CLSTN2: variants seen among roughly 807,000 people sequenced by gnomAD.
CLSTN2 encodes calsyntenin 2.
A neutral mutation model predicts 101.2 loss-of-function variants in CLSTN2; 48 were observed. The observed-to-expected ratio is 0.47, with a 90% CI of 0.38 to 0.60. The LOEUF is 0.60. Ranked by LOEUF, CLSTN2 falls within the 20% of genes least tolerant of loss-of-function variation. The pLI is 0.00. For missense variants in CLSTN2, 1,160 were observed against 1,238.2 expected, an observed-to-expected ratio of 0.94 and a Z score of 0.95; for synonymous variants, 481 against 463.6, an observed-to-expected ratio of 1.04 and a Z score of -0.48.
chr3:140,406,273 G>A (rs924887490), intron 4 of CLSTN2, among the ~76,000 whole-genome samples: 3 of 152,292 alleles, frequency 2.0e-5, no homozygotes. Context: ...AGATGCCATA[G>A]GGACTAGAAG....
At chr3:140,561,977 CTGGACATCTGAGCGG>C (rs1297571217) in intron 12 of CLSTN2, among the ~76,000 whole-genome samples, 146 bp from the exon 13 acceptor site, 1 of 152,182 alleles carries the variant, frequency 6.6e-6, no homozygotes, top group Non-Finnish European at 1.5e-5. Flanking sequence ...TCAGGGATGC[CTGGACATCTGAGCGG>C]TGGATGTGGT....
rs767018153 is a variant in CLSTN2 at position 140,563,988 on chromosome 3, T to C, written c.2510T>C (p.Ile837Thr). The change falls in exon 16 of 17, where the codon ATC (isoleucine) becomes ACC (threonine). Residue 837 changes from isoleucine to threonine, a missense_variant. Physicochemically the swap from Ile to Thr is moderately conservative, Grantham distance 89 (BLOSUM62 -1). Coordinates refer to ENST00000458420, the MANE Select transcript of CLSTN2 (RefSeq NM_022131.3). ...SVVPSIATVV[I>T]IISVCMLVFV... ...GTCCCAAGCATTGCCACAGTGGTCA[T>C]CATCATCTCCGTGTGCATGCTTGTG... The C allele has an allele frequency of 1.2e-6, 2 of 1,614,168 alleles. No homozygotes were observed. The highest frequency in any genetic ancestry group is 8.5e-7 in the Non-Finnish European group (1 of 1,180,012).
chr3:140,131,301 T>C (rs1487565567), intron 1 of CLSTN2, among the ~76,000 whole-genome samples: 2 of 68,386 alleles, frequency 2.9e-5, no homozygotes, highest in Non-Finnish European at 8.3e-5. Context: ...TGAGTTTCTT[T>C]ATGATTTTTT....
intron 8 of CLSTN2, among the ~76,000 whole-genome samples, chr3:140,512,540 CAGAT>C (rs1279846649): frequency 3.3e-5 from 5 of 152,178 alleles, no homozygotes; most frequent in African/African-American, 1.2e-4. Context: ...AGTTTGAAGT[CAGAT>C]AGTGTGATGC....
chr3:140,232,633 C>T (rs188974941), intron 2 of CLSTN2, among the ~76,000 whole-genome samples: 11 of 152,256 alleles, frequency 7.2e-5, no homozygotes, highest in Non-Finnish European at 8.8e-5. Context: ...TTACTGGCCT[C>T]TTCTGTTCCA....
intron 1 of CLSTN2, among the ~76,000 whole-genome samples, chr3:140,144,829 C>T (rs951253215): frequency 5.3e-5 from 8 of 152,354 alleles, no homozygotes; most frequent in Middle Eastern, 3.4e-3. Context: ...ACAGGCTGCA[C>T]ATTCTTCACC....
chr3:140,515,554 C>T (rs7433000), intron 8 of CLSTN2, among the ~76,000 whole-genome samples: 9,454 of 151,958 alleles, frequency 0.062, 697 homozygotes, highest in East Asian at 0.3. Context: ...CAAGAGGTTT[C>T]GATGGGTTGT....
At chr3:140,194,469 T>C (rs1344643177) in intron 2 of CLSTN2, among the ~76,000 whole-genome samples, 1 of 152,164 alleles carries the variant, frequency 6.6e-6, no homozygotes, top group African/African-American at 2.4e-5. Context: ...ATTCAGTCTG[T>C]AGCAGTTTGA....
intron 1 of CLSTN2, among the ~76,000 whole-genome samples, chr3:140,131,223 C>T (rs2009518106): frequency 6.6e-6 from 1 of 150,748 alleles, no homozygotes; most frequent in East Asian, 1.9e-4. Flanking sequence ...CTAATCTCTG[C>T]TTGGGTTCTT....
chr3:139,960,819 G>A (rs962890025), intron 1 of CLSTN2, among the ~76,000 whole-genome samples: 9 of 152,188 alleles, frequency 5.9e-5, no homozygotes, highest in African/African-American at 2.2e-4. Context: ...GATCTCCTCA[G>A]TGTGTCAATC....
chr3:139,980,908 A>G (rs1015750753), intron 1 of CLSTN2, among the ~76,000 whole-genome samples: 1 of 152,148 alleles, frequency 6.6e-6, no homozygotes, highest in African/African-American at 2.4e-5. Context: ...AGTGGTCCAC[A>G]CTGACTTCCA....
At chr3:140,311,949 A>G (rs1197406857) in intron 2 of CLSTN2, among the ~76,000 whole-genome samples, 1 of 152,178 alleles carries the variant, frequency 6.6e-6, no homozygotes, top group Non-Finnish European at 1.5e-5. Flanking sequence ...ACTTCTCTAC[A>G]TGTGTGTCAT....
chr3:140,369,713 C>T (rs1478209055), intron 2 of CLSTN2, among the ~76,000 whole-genome samples: 1 of 152,184 alleles, frequency 6.6e-6, no homozygotes, highest in African/African-American at 2.4e-5. Context: ...CCTCCACCCC[C>T]AGCTTGTTGC....
At chr3:140,445,317 T>C (rs1933053366) in intron 5 of CLSTN2, among the ~76,000 whole-genome samples, 1 of 152,224 alleles carries the variant, frequency 6.6e-6, no homozygotes, top group South Asian at 2.1e-4. Context: ...TTTCTCATCA[T>C]AGATAACCAC....
At chr3:140,006,159 A>G (rs1423890876) in intron 1 of CLSTN2, among the ~76,000 whole-genome samples, 1 of 152,242 alleles carries the variant, frequency 6.6e-6, no homozygotes, top group African/African-American at 2.4e-5. Context: ...CATGGGTCCC[A>G]CGGTGTTAAT....
intron 1 of CLSTN2, among the ~76,000 whole-genome samples, chr3:140,133,556 A>G (rs1229188748): frequency 1.3e-5 from 2 of 152,196 alleles, no homozygotes; most frequent in Non-Finnish European, 2.9e-5. Flanking sequence ...CATGCAAGAT[A>G]GTTTTGGGAA....
intron 1 of CLSTN2, among the ~76,000 whole-genome samples, chr3:140,135,111 CACACACATATATATATAT>C (rs1372019348): frequency 7.7e-5 from 4 of 52,112 alleles, no homozygotes; most frequent in Non-Finnish European, 1.4e-4. Context: ...CACACACACA[CACACACATATATATATAT>C]ATATATATAT....
chr3:140,333,255 C>T (rs1317459499), intron 2 of CLSTN2, among the ~76,000 whole-genome samples: 1 of 152,206 alleles, frequency 6.6e-6, no homozygotes, highest in Non-Finnish European at 1.5e-5. Flanking sequence ...CATGCTACCA[C>T]CAGTGAGGAC....
intron 2 of CLSTN2, among the ~76,000 whole-genome samples, chr3:140,372,120 G>A (rs557387567): frequency 2.4e-4 from 36 of 152,150 alleles, no homozygotes; most frequent in African/African-American, 8.7e-4. Context: ...CTGTTGCCCT[G>A]CCTGGAATCC....
Sources: gnomAD v4.1 joint callset for allele counts (sites outside exome capture counted in the v4.1 genomes callset) on GRCh38, gnomAD v4.1.1 for gene constraint, MANE v1.5 for transcripts, NCBI Gene and HGNC (gene_info 2026-07-23, HGNC 2026-07-21) for gene names.